The following ATP6V0A4 variants were observed in gnomAD, a reference collection of about 807,000 sequenced individuals.
ATP6V0A4 encodes the protein V-type proton ATPase 116 kDa subunit a 4.
Under a neutral mutation model 107.3 loss-of-function variants are expected in ATP6V0A4, and 86 were observed. The ratio of observed to expected loss-of-function variants is 0.80; its 90% CI spans 0.67 to 0.96. The LOEUF (loss-of-function observed/expected upper bound fraction) is 0.96, where lower values mean the gene tolerates loss of function less well. Among genes scored for constraint, ATP6V0A4 ranks in the 40% least tolerant of loss-of-function variants. The pLI is 0.00. For synonymous variants in ATP6V0A4, 353 were observed against 381.4 expected (o/e 0.93, Z 0.87); for missense variants, 908 against 1,045.6 (o/e 0.87, Z 1.81).
chr7:138,717,334 T>A (rs1311148639), intron 19 of ATP6V0A4, among the ~76,000 whole-genome samples: 3 of 149,590 alleles, frequency 2.0e-5, no homozygotes, highest in Non-Finnish European at 3.0e-5. Context: ...GATCACAAGG[T>A]CAAGAGATCG....
At chr7:138,749,429 G>T in intron 11 of ATP6V0A4, 112 bp from the exon 12 acceptor site, 1 of 1,223,938 alleles carries the variant, frequency 8.2e-7, no homozygotes, top group Non-Finnish European at 1.1e-6. Context: ...CGAACTTGGG[G>T]CAATCTCTTG....
intron 20 of ATP6V0A4, 139 bp from the exon 21 acceptor site, chr7:138,709,934 C>A: frequency 9.9e-7 from 1 of 1,010,838 alleles, no homozygotes; most frequent in South Asian, 2.0e-5. Flanking sequence ...GGATGGTCTC[C>A]AACTCCTGGC....
intron 5 of ATP6V0A4, 143 bp downstream of exon 5, chr7:138,768,637 C>T (rs1807211051): frequency 9.9e-7 from 1 of 1,008,294 alleles, no homozygotes; most frequent in African/African-American, 1.6e-5. Flanking sequence ...GGCTGTAACC[C>T]TGAGAGGGAG....
intron 1 of ATP6V0A4, among the ~76,000 whole-genome samples, chr7:138,789,989 A>C (rs953042850): frequency 6.7e-6 from 1 of 150,320 alleles, no homozygotes; most frequent in Admixed American, 6.6e-5. Flanking sequence ...AAAAAAAAAA[A>C]AGTATTAACT....
chr7:138,707,296 A>AG (rs1803475323), intron 21 of ATP6V0A4, among the ~76,000 whole-genome samples: 2 of 90,426 alleles, frequency 2.2e-5, no homozygotes, highest in Admixed American at 4.0e-4. Context: ...ATTATATTAT[A>AG]AATATATTTA....
intron 19 of ATP6V0A4, among the ~76,000 whole-genome samples, chr7:138,716,765 T>C (rs559006756): frequency 1.7e-3 from 252 of 152,238 alleles, no homozygotes; most frequent in African/African-American, 5.8e-3. Context: ...GGTTTCACCA[T>C]GTTGCCCAGG....
chr7:138,741,595 C>T (rs1018196819), intron 14 of ATP6V0A4, among the ~76,000 whole-genome samples: 7 of 152,166 alleles, frequency 4.6e-5, no homozygotes, highest in African/African-American at 1.4e-4. Flanking sequence ...CACAATCATA[C>T]CTCGATACAG....
chr7:138,738,137 T>C (rs1805441878), intron 15 of ATP6V0A4, among the ~76,000 whole-genome samples: 1 of 152,192 alleles, frequency 6.6e-6, no homozygotes, highest in Admixed American at 6.6e-5. Context: ...TATTTTAGGA[T>C]AGAAAGACCA....
chr7:138,716,853 T>C (rs3778697), intron 19 of ATP6V0A4, among the ~76,000 whole-genome samples: 32,023 of 152,104 alleles, frequency 0.21, 3,661 homozygotes, highest in Non-Finnish European at 0.25. Context: ...TGTGAGCCAC[T>C]GTGCCTGGCC....
intron 17 of ATP6V0A4, among the ~76,000 whole-genome samples, chr7:138,731,073 A>G (rs1804987887): frequency 6.6e-6 from 1 of 151,914 alleles, no homozygotes; most frequent in African/African-American, 2.4e-5. Flanking sequence ...AGCTGGGATT[A>G]TAGGCACCTG....
chr7:138,741,567 G>GA (rs1043783906), intron 14 of ATP6V0A4, among the ~76,000 whole-genome samples: 1 of 152,108 alleles, frequency 6.6e-6, no homozygotes, highest in African/African-American at 2.4e-5. Flanking sequence ...GATAGAGTGA[G>GA]AAAAAACAAG....
intron 2 of ATP6V0A4, among the ~76,000 whole-genome samples, chr7:138,777,634 ACAC>A (rs1807727864): frequency 2.2e-5 from 2 of 91,736 alleles, no homozygotes; most frequent in Admixed American, 9.9e-5. Flanking sequence ...AAAAAAAAAT[ACAC>A]ACACACACAC....
rs767730232 is a variant in ATP6V0A4 at position 138,749,361 on chromosome 7, C to G, written c.1030-44G>C. 6 of 1,600,418 alleles carry G rather than the reference C, an allele frequency of 3.7e-6. No individual in the cohort carries two copies. In the East Asian group the frequency reaches 1.1e-4, roughly 30 times the overall value. ...GCGACAAAGATGTAAGGAGAAGAGT[C>G]TTGGGCTGGGTGTCAGCACAAAGGT... On this transcript the variant is annotated intron_variant, in intron 11 of 21. Transcript: ENST00000310018.
In ATP6V0A4 at chr7:138,709,694, C is replaced by T; in HGVS notation, c.2359G>A (p.Val787Ile). The change falls in exon 21 of 22, where the codon GTC becomes ATC. Residue 787 changes from valine (V) to isoleucine (I), a missense_variant. Transcript: ENST00000310018. ...GVFIIFAVFA[V>I]LTVAILLIME... ...ATCAGAAGGATGGCTACTGTCAGGA[C>T]AGCAAATACGGCAAAAATAATAAAA... 1 of 1,613,882 alleles carries T rather than the reference C, an allele frequency of 6.2e-7. No individual in the cohort carries two copies. Among genetic ancestry groups the T allele is most frequent in the Non-Finnish European group, 8.5e-7 (1 of 1,179,916 alleles).
At chr7:138,738,080 T>C (rs1279914627) in intron 15 of ATP6V0A4, among the ~76,000 whole-genome samples, 2 of 152,162 alleles carry the variant, frequency 1.3e-5, no homozygotes, top group Admixed American at 1.3e-4. Flanking sequence ...CTTTTCTTTA[T>C]ATAATATTTT....
At chr7:138,781,957 T>A (rs1807946915) in intron 2 of ATP6V0A4, among the ~76,000 whole-genome samples, 2 of 151,212 alleles carry the variant, frequency 1.3e-5, no homozygotes, top group African/African-American at 4.9e-5. Context: ...GGATTACAGG[T>A]ATGAGCCACT....
chr7:138,797,961 C>A (rs779664175), intron 1 of ATP6V0A4, 73 bp downstream of exon 1: 9 of 1,538,484 alleles, frequency 5.8e-6, no homozygotes, highest in South Asian at 3.6e-5. Flanking sequence ...CATGGTGTTT[C>A]CCCCAAACAC....
chr7:138,783,771 A>G (rs910443316), intron 2 of ATP6V0A4, among the ~76,000 whole-genome samples: 6 of 152,130 alleles, frequency 3.9e-5, no homozygotes, highest in Admixed American at 3.3e-4. Flanking sequence ...TTTCTTACCC[A>G]TGATGTATAT....
chr7:138,745,587 G>A (rs1382905573), intron 13 of ATP6V0A4, among the ~76,000 whole-genome samples: 1 of 150,094 alleles, frequency 6.7e-6, no homozygotes, highest in Non-Finnish European at 1.5e-5. Context: ...CGAGGCAGGA[G>A]AATCACTTGA....
Sources: allele counts gnomAD v4.1 joint callset (sites outside exome capture counted in the v4.1 genomes callset), GRCh38; gene constraint gnomAD v4.1.1; transcripts MANE v1.5; gene names NCBI Gene and HGNC (gene_info 2026-07-23, HGNC 2026-07-21).